Variants in ELMOD3 observed in about 807,000 individuals in gnomAD.
The protein encoded by ELMOD3 is ELMO domain-containing protein 3.
In ELMOD3, 36 loss-of-function variants were observed where a neutral mutation model predicts 47.4. That is an observed-to-expected ratio of 0.76 (90% CI 0.58 to 1.00). ELMOD3 has a LOEUF of 1.00. Ranked by LOEUF, ELMOD3 falls within the 50% of genes least tolerant of loss-of-function variation. The pLI is 0.00. For synonymous variants in ELMOD3, 149 were observed against 183.5 expected (o/e 0.81, Z 1.52); for missense variants, 404 against 463.8 (o/e 0.87, Z 1.18).
At chr2:85,387,070 A>G in intron 11 of ELMOD3, 2 of 1,300,310 alleles carry the variant, frequency 1.5e-6, no homozygotes, top group East Asian at 5.6e-5. Context: ...TGTTGTTACC[A>G]TACTGTTTTT....
At position 85,369,784 on chromosome 2, in the gene ELMOD3, G is replaced by T. The variant is rs1372138266; in HGVS notation, c.314G>T (p.Ser105Ile). The T allele has an allele frequency of 6.2e-7, 1 of 1,614,110 alleles. No homozygotes were observed. Among genetic ancestry groups the T allele is most frequent in the Non-Finnish European group, 8.5e-7 (1 of 1,179,978 alleles). Reference sequence around the variant, plus strand: ...CAGCCTGGGCAGCTAATCTCCTTCAGTGAGGCCCTGCAGCACTTCCAGACT... The same window carrying T: ...CAGCCTGGGCAGCTAATCTCCTTCATTGAGGCCCTGCAGCACTTCCAGACT... ...SEQPGQLISFSEALQHFQTVD... is the reference protein window; with the variant it reads ...SEQPGQLISFIEALQHFQTVD... The change falls in exon 8 of 14, where the codon AGT (serine) becomes ATT (isoleucine). Residue 105 changes from serine to isoleucine, a missense_variant. Transcript: ENST00000409013.
chr2:85,374,502 C>T (rs1212476249), intron 10 of ELMOD3, among the ~76,000 whole-genome samples: 1 of 152,098 alleles, frequency 6.6e-6, no homozygotes, highest in African/African-American at 2.4e-5. Context: ...CCACCACACC[C>T]AGCTATTTTT....
intron 8 of ELMOD3, among the ~76,000 whole-genome samples, chr2:85,370,826 A>T (rs1351311660): frequency 6.6e-6 from 1 of 152,216 alleles, no homozygotes; most frequent in Admixed American, 6.5e-5. Context: ...AGCCCAGAGG[A>T]CTAAATGCAA....
chr2:85,386,381 C>CTTTTT (rs570387148), intron 11 of ELMOD3, among the ~76,000 whole-genome samples: 13 of 62,424 alleles, frequency 2.1e-4, no homozygotes, highest in Admixed American at 4.7e-4. Flanking sequence ...GATACGTAGG[C>CTTTTT]TTTTTTTTTT....
chr2:85,356,787 A>G (rs918593696), intron 3 of ELMOD3, 180 bp from the exon 4 acceptor site: 3 of 154,224 alleles, frequency 1.9e-5, no homozygotes, highest in East Asian at 3.8e-4. Flanking sequence ...AGACTGGGAC[A>G]GGAGAATCGC....
intron 11 of ELMOD3, 193 bp from the exon 12 acceptor site, chr2:85,389,558 C>T: frequency 3.3e-6 from 2 of 606,080 alleles, no homozygotes; most frequent in South Asian, 3.9e-5. Flanking sequence ...AGGAAAGTTA[C>T]TAAAGGTCAC....
rs527534279 is a variant in ELMOD3, at chr2:85,382,663, G to A, written c.738+5189G>A. Among the ~76,000 whole-genome samples, 11 of 151,804 alleles carry A rather than the reference G, an allele frequency of 7.2e-5. No homozygotes were observed. The East Asian group carries it at 7.9e-4, about 11-fold the overall frequency. Reference sequence around the variant, plus strand: ...CCCGAGTAGCTGGGACTACAGGCGCGTGCCACTATGTCCATCTAATTTTTG... The same window carrying A: ...CCCGAGTAGCTGGGACTACAGGCGCATGCCACTATGTCCATCTAATTTTTG... On this transcript the variant is annotated intron_variant, in intron 11 of 13. Transcript: ENST00000409013.
Position 85,369,713 on chromosome 2 carries a change from C to G in ELMOD3, c.269-26C>G, listed in dbSNP as rs62162717. On this transcript the variant is annotated intron_variant, in intron 7 of 13. Transcript: ENST00000409013. The stretch of plus-strand genomic sequence containing the variant: ...GTTGACAGAATGACTCCTATAAATC[C>G]TGGCATGTCTTCCGTTTTGCCACAG... 1.2e-3 allele frequency: 1,920 copies of G among 1,610,990 alleles called. 2 individuals are homozygous for G. The highest frequency in any genetic ancestry group is 1.5e-3 in the Non-Finnish European group (1,754 of 1,178,530).
At chr2:85,380,067 G>A (rs1270734130) in intron 11 of ELMOD3, among the ~76,000 whole-genome samples, 2 of 152,200 alleles carry the variant, frequency 1.3e-5, no homozygotes, top group Non-Finnish European at 2.9e-5. Flanking sequence ...GAAATGACAT[G>A]GTTCCAGTCA....
At chr2:85,368,622 G>T in intron 6 of ELMOD3, 64 bp from the exon 7 acceptor site, 2 of 1,549,528 alleles carry the variant, frequency 1.3e-6, no homozygotes, top group South Asian at 2.2e-5. Context: ...CAAGGCTGGG[G>T]TCTGCAGTAG....
intron 10 of ELMOD3, among the ~76,000 whole-genome samples, chr2:85,375,202 G>A (rs907454635): frequency 2.0e-5 from 3 of 152,186 alleles, no homozygotes; most frequent in Non-Finnish European, 4.4e-5. Flanking sequence ...TGAGTCTGTA[G>A]GTTTGTGTCT....
At chr2:85,362,573 A>G (rs1341226008) in intron 5 of ELMOD3, among the ~76,000 whole-genome samples, 1 of 152,200 alleles carries the variant, frequency 6.6e-6, no homozygotes, top group Non-Finnish European at 1.5e-5. Context: ...ACTTGTCCCC[A>G]ACATCACCCA....
At position 85,376,626 on chromosome 2, in the gene ELMOD3, G is replaced by A. The variant is rs78152519; in HGVS notation, c.608-718G>A. On this transcript the variant is annotated intron_variant, in intron 10 of 13. Coordinates refer to ENST00000409013, the MANE Select transcript of ELMOD3 (RefSeq NM_001135022.2). The surrounding 1 kb of genome is among the most constrained non-coding windows in gnomAD (Gnocchi z 4.2). ...GGGGTGCCTTGATACAGTTAGGCCA[G>A]GATGGAAGTCTAGGGTCCCTGCTCA... Among the ~76,000 whole-genome samples the A allele has an allele frequency of 0.048, 7,261 of 152,290 alleles. 206 individuals carry two copies. Among genetic ancestry groups the A allele is most frequent in the East Asian group, 0.09 (468 of 5,184 alleles).
chr2:85,356,115 G>A (rs1270841619), intron 3 of ELMOD3: 1 of 152,270 alleles, frequency 6.6e-6, no homozygotes, highest in African/African-American at 2.4e-5. Context: ...CTGTGATGAG[G>A]TATGAGCCTT....
intron 7 of ELMOD3, 29 bp downstream of exon 7, chr2:85,368,783 A>T: frequency 1.2e-6 from 2 of 1,612,962 alleles, no homozygotes; most frequent in Non-Finnish European, 1.7e-6. Context: ...CTGTCTCCCC[A>T]TAGCCCCTCT....
intron 11 of ELMOD3, among the ~76,000 whole-genome samples, chr2:85,389,186 G>A (rs1382866473): frequency 6.6e-6 from 1 of 152,254 alleles, no homozygotes; most frequent in Non-Finnish European, 1.5e-5. Context: ...GACCCGCACA[G>A]CTGGCTCTCA....
intron 5 of ELMOD3, 56 bp downstream of exon 5, chr2:85,362,316 G>C: frequency 9.2e-7 from 1 of 1,081,946 alleles, no homozygotes; most frequent in Non-Finnish European, 1.4e-6. Context: ...GTGTGTTACT[G>C]TGTGGTGCCA....
At chr2:85,379,996 A>G (rs1573134607) in intron 11 of ELMOD3, among the ~76,000 whole-genome samples, 1 of 152,334 alleles carries the variant, frequency 6.6e-6, no homozygotes, top group East Asian at 1.9e-4. Flanking sequence ...TGTACACAAA[A>G]TATGAGGCCA....
In ELMOD3 at chr2:85,357,020, C is replaced by G. The variant is rs1004421924; in HGVS notation, c.-179C>G. 5.7e-6 allele frequency: 3 copies of G among 524,910 alleles called. No individual in the cohort carries two copies. The highest frequency in any genetic ancestry group is 6.7e-6 in the Non-Finnish European group (2 of 296,514). 32.5% of individuals were successfully genotyped at this position (524,910 alleles called of 1,614,324 possible). A position where few individuals can be genotyped will look rare whatever the true frequency, so the allele number is the denominator to read the frequency against. ...TTCTCTCAGCACTCACAGAAACCTCCTACACCCTCGGATGGCACAAAGGGA... is the reference window on the plus strand; with the variant it reads ...TTCTCTCAGCACTCACAGAAACCTCGTACACCCTCGGATGGCACAAAGGGA... On this transcript the variant is annotated 5_prime_UTR_variant, in exon 4 of 14. Coordinates refer to ENST00000409013, the MANE Select transcript of ELMOD3 (RefSeq NM_001135022.2).
Sources: allele counts gnomAD v4.1 joint callset (sites outside exome capture counted in the v4.1 genomes callset), GRCh38; gene constraint gnomAD v4.1.1; non-coding constraint Gnocchi (gnomAD v3.1); transcripts MANE v1.5; gene names NCBI Gene and HGNC (gene_info 2026-07-23, HGNC 2026-07-21).